Variants in CDCA8 observed in about 807,000 individuals in gnomAD.
The protein encoded by CDCA8 is cell division cycle associated 8, also known as borealin.
Under a neutral mutation model 40.0 loss-of-function variants are expected in CDCA8, and 25 were observed. The observed-to-expected ratio is 0.63, with a 90% CI of 0.46 to 0.87. CDCA8 has a LOEUF of 0.87. Among genes scored for constraint, CDCA8 ranks in the 40% least tolerant of loss-of-function variants. The pLI is 0.00. For synonymous variants in CDCA8, 111 were observed against 126.5 expected, an observed-to-expected ratio of 0.88 and a Z score of 0.82; for missense variants, 280 against 348.4, an observed-to-expected ratio of 0.80 and a Z score of 1.56.
chr1:37,693,217 G>A (rs534298972), intron 2 of CDCA8, among the ~76,000 whole-genome samples, 184 bp downstream of exon 2: 105 of 150,820 alleles, frequency 7.0e-4, no homozygotes, highest in African/African-American at 2.4e-3. Flanking sequence ...ATGAAAAATG[G>A]GGGGGTGGTT....
chr1:37,703,458 G>A (rs1333294749), intron 7 of CDCA8, 111 bp downstream of exon 7: 1 of 805,488 alleles, frequency 1.2e-6, no homozygotes, highest in Non-Finnish European at 2.2e-6. Flanking sequence ...GCTCACGCCT[G>A]TAATACCAGC....
intron 5 of CDCA8, among the ~76,000 whole-genome samples, chr1:37,701,187 G>C (rs1256450363): frequency 6.6e-6 from 1 of 152,184 alleles, no homozygotes; most frequent in African/African-American, 2.4e-5. Flanking sequence ...GTTTGTCCCA[G>C]TGTGGGAGTG....
At chr1:37,705,667 A>G in intron 8 of CDCA8, 100 bp downstream of exon 8, 1 of 1,392,086 alleles carries the variant, frequency 7.2e-7, no homozygotes, top group Non-Finnish European at 1.0e-6. Flanking sequence ...GAGTCCTTTC[A>G]GTGCGTGGGT....
intron 5 of CDCA8, 57 bp from the exon 6 acceptor site, chr1:37,701,694 CCTT>C: frequency 9.0e-7 from 1 of 1,113,928 alleles, no homozygotes; most frequent in Non-Finnish European, 1.3e-6. Context: ...AAAAAACCCT[CCTT>C]ACCTTCCTCT....
chr1:37,702,465 G>A (rs1237963279), intron 6 of CDCA8, among the ~76,000 whole-genome samples: 2 of 152,148 alleles, frequency 1.3e-5, no homozygotes, highest in Non-Finnish European at 2.9e-5. Flanking sequence ...CTATGGGCTT[G>A]AGTTGATTAT....
At chr1:37,701,039 G>A (rs1017965539) in intron 5 of CDCA8, among the ~76,000 whole-genome samples, 4 of 152,180 alleles carry the variant, frequency 2.6e-5, no homozygotes, top group African/African-American at 9.7e-5. Flanking sequence ...ACTGGGGGTG[G>A]TGGAGCACAT....
intron 5 of CDCA8, among the ~76,000 whole-genome samples, chr1:37,701,087 C>T (rs1296287302): frequency 3.9e-5 from 6 of 152,138 alleles, no homozygotes; most frequent in Admixed American, 3.9e-4. Context: ...ATTACTTTTC[C>T]AGGACATCTA....
At chr1:37,705,673 T>A in intron 8 of CDCA8, 106 bp downstream of exon 8, 1 of 1,334,744 alleles carries the variant, frequency 7.5e-7, no homozygotes, top group Non-Finnish European at 1.0e-6. Flanking sequence ...TTTCAGTGCG[T>A]GGGTCCTGAT....
At chr1:37,700,386 A>G (rs1437207309) in intron 4 of CDCA8, 50 bp from the exon 5 acceptor site, 1 of 1,132,932 alleles carries the variant, frequency 8.8e-7, no homozygotes, top group Non-Finnish European at 1.3e-6. Context: ...TGAATGCACA[A>G]AACTTTATTT....
In CDCA8 at chr1:37,695,922, A is replaced by G. The variant is rs1449171981; in HGVS notation, c.236A>G (p.Asn79Ser). The G allele has an allele frequency of 1.9e-6, 3 of 1,614,036 alleles. No homozygotes were observed. The highest frequency in any genetic ancestry group is 2.5e-6 in the Non-Finnish European group (3 of 1,179,914). The change falls in exon 3 of 10, where the codon AAC becomes AGC. Residue 79 changes from asparagine to serine, a missense_variant. By Grantham distance (46) the Asn-to-Ser change is conservative (BLOSUM62 1). Transcript: ENST00000373055. ...GTTCTTTTTAAAGCCCTTGGAGGAA[A>G]CAAACAGGCCCTGGAAGAGGCGGCA... Reference protein sequence around the residue: ...NWLDYFALGGNKQALEEAATA... With the variant: ...NWLDYFALGGSKQALEEAATA...
In CDCA8 at chr1:37,708,615, C is replaced by T. The variant is rs1243007675; in HGVS notation, c.*249C>T. ...GCCATGGAAGCTTCCCATCAGTCTC[C>T]CAGCTGAATCCTCCCTGCTCTCTGA... On this transcript the variant is annotated 3_prime_UTR_variant, in exon 10 of 10. Transcript: ENST00000373055. The T allele has an allele frequency of 1.7e-5, 9 of 541,470 alleles. No individual in the cohort carries two copies. Among genetic ancestry groups the T allele is most frequent in the East Asian group, 1.3e-4 (4 of 31,282 alleles). The allele number at this position is 541,470 out of a possible 1,614,324, so 33.5% of individuals were successfully genotyped here.
intron 4 of CDCA8, 86 bp from the exon 5 acceptor site, chr1:37,700,350 T>A: frequency 1.3e-6 from 1 of 783,164 alleles, no homozygotes; most frequent in Non-Finnish European, 2.2e-6. Context: ...CTTAAGATTG[T>A]GTACATTTTA....
rs1557515871 is a variant in CDCA8 at position 37,696,740 on chromosome 1, A to T, written c.264+790A>T. The stretch of plus-strand genomic sequence containing the variant: ...GTTAGTTTATTGTAGCCTTGATCAG[A>T]TTTACAAAGTAAACCCCAAAATTAC... On this transcript the variant is annotated intron_variant, in intron 3 of 9. Transcript: ENST00000373055. The surrounding 1 kb of genome is among the most constrained non-coding windows in gnomAD (Gnocchi z 5.0). 6.6e-6 allele frequency among the ~76,000 whole-genome samples: 1 copy of T among 152,222 alleles called. No homozygotes were observed. The highest frequency in any genetic ancestry group is 1.5e-5 in the Non-Finnish European group (1 of 68,042).
Position 37,692,802 on chromosome 1 carries a change from C to T in CDCA8, c.94+18C>T. Reference sequence around the variant, plus strand: ...CCGTGAAGGTAAGGGGCCAGGCCGTCGCGGCCTCCTGGGGCGGTCGCGGGA... The same window carrying T: ...CCGTGAAGGTAAGGGGCCAGGCCGTTGCGGCCTCCTGGGGCGGTCGCGGGA... On this transcript the variant is annotated intron_variant, in intron 1 of 9. Transcript: ENST00000373055. 2 of 1,612,950 alleles carry T rather than the reference C, an allele frequency of 1.2e-6. No homozygotes were observed. The highest frequency in any genetic ancestry group is 1.7e-6 in the Non-Finnish European group (2 of 1,179,272).
chr1:37,699,615 GGAAAGGA>G (rs1645550188), intron 4 of CDCA8, among the ~76,000 whole-genome samples: 1 of 64,368 alleles, frequency 1.6e-5, no homozygotes, highest in Non-Finnish European at 3.0e-5. Context: ...GGAAAGGAAA[GGAAAGGA>G]AAAAAAAAGT....
chr1:37,694,829 C>G (rs1239124079), intron 2 of CDCA8, among the ~76,000 whole-genome samples: 4 of 152,236 alleles, frequency 2.6e-5, no homozygotes, highest in Non-Finnish European at 5.9e-5. Context: ...GAGTTTCTAG[C>G]AGGAGGTTCT....
chr1:37,705,707 A>G, intron 8 of CDCA8, 140 bp downstream of exon 8: 1 of 882,638 alleles, frequency 1.1e-6, no homozygotes, highest in South Asian at 2.0e-5. Context: ...CGGGACTCAG[A>G]ACCCAGTTTT....
chr1:37,693,446 T>C (rs1486314688), intron 2 of CDCA8, among the ~76,000 whole-genome samples: 1 of 152,212 alleles, frequency 6.6e-6, no homozygotes, highest in South Asian at 2.1e-4. Context: ...TGGAGTGCAG[T>C]GCAGTGCAGT....
intron 5 of CDCA8, 110 bp downstream of exon 5, chr1:37,700,631 T>C (rs1178975530): frequency 1.8e-5 from 13 of 711,580 alleles, no homozygotes; most frequent in African/African-American, 1.6e-4. Context: ...GAGATGATCC[T>C]ACTTTACATG....
Sources: allele counts gnomAD v4.1 joint callset (sites outside exome capture counted in the v4.1 genomes callset), GRCh38; gene constraint gnomAD v4.1.1; non-coding constraint Gnocchi (gnomAD v3.1); transcripts MANE v1.5; gene names NCBI Gene and HGNC (gene_info 2026-07-23, HGNC 2026-07-21).